The following CD4 variants were observed in gnomAD, a reference collection of about 807,000 sequenced individuals.
CD4 encodes CD4 molecule.
In CD4, 25 loss-of-function variants were observed where a neutral mutation model predicts 50.5. That is an observed-to-expected ratio of 0.49 (90% CI 0.36 to 0.69). The LOEUF is 0.69. CD4 is among the 30% of genes least tolerant of loss of function. The pLI, the probability that CD4 is intolerant of heterozygous loss-of-function variation, is 0.00. For synonymous variants in CD4, 207 were observed against 221.9 expected, an observed-to-expected ratio of 0.93 and a Z score of 0.60; for missense variants, 456 against 548.5, an observed-to-expected ratio of 0.83 and a Z score of 1.68.
intron 1 of CD4, among the ~76,000 whole-genome samples, chr12:6,794,868 C>A (rs907602295): frequency 6.8e-6 from 1 of 147,566 alleles, no homozygotes; most frequent in Non-Finnish European, 1.5e-5. Flanking sequence ...CACTGCTGAA[C>A]CTCCGCCTCC....
chr12:6,801,210 A>G (rs915943481), intron 3 of CD4, among the ~76,000 whole-genome samples: 12 of 151,700 alleles, frequency 7.9e-5, no homozygotes, highest in African/African-American at 1.9e-4. Flanking sequence ...CTAGCCAAAA[A>G]AAATTTTTTT....
intron 1 of CD4, among the ~76,000 whole-genome samples, chr12:6,796,433 C>T (rs1033973624): frequency 6.6e-6 from 1 of 152,220 alleles, no homozygotes; most frequent in Non-Finnish European, 1.5e-5. Context: ...GGGCCAGGTC[C>T]ATGGTGACAC....
intron 1 of CD4, among the ~76,000 whole-genome samples, chr12:6,798,657 T>G (rs899580334): frequency 2.0e-5 from 3 of 152,232 alleles, no homozygotes; most frequent in Non-Finnish European, 4.4e-5. Context: ...AGTAACAATC[T>G]GATCTCTCTT....
At chr12:6,803,289 T>A (rs1366394762) in intron 3 of CD4, among the ~76,000 whole-genome samples, 1 of 152,156 alleles carries the variant, frequency 6.6e-6, no homozygotes, top group African/African-American at 2.4e-5. Context: ...CAGCTGGGAT[T>A]ACAGGTGTGC....
chr12:6,814,452 C>G (rs1943032681), intron 4 of CD4, 152 bp downstream of exon 4: 2 of 786,938 alleles, frequency 2.5e-6, no homozygotes, highest in Non-Finnish European at 4.0e-6. Context: ...TCTTAAAACC[C>G]TTCTTGATCA....
At chr12:6,812,294 A>C (rs1179084228) in intron 3 of CD4, among the ~76,000 whole-genome samples, 2 of 152,104 alleles carry the variant, frequency 1.3e-5, no homozygotes, top group Non-Finnish European at 1.5e-5. Context: ...AGCTACTCCG[A>C]AGGCTGAGGC....
At chr12:6,813,660 C>T (rs1943003433) in intron 3 of CD4, 1 of 153,214 alleles carries the variant, frequency 6.5e-6, no homozygotes. Context: ...TTTGTATATA[C>T]ATTTGTAATT....
At chr12:6,810,353 A>G (rs1198018017) in intron 3 of CD4, among the ~76,000 whole-genome samples, 1 of 152,254 alleles carries the variant, frequency 6.6e-6, no homozygotes, top group African/African-American at 2.4e-5. Context: ...AAGAGAAGCA[A>G]GGAGGCAGAG....
chr12:6,803,600 C>T (rs1168543558), intron 3 of CD4, among the ~76,000 whole-genome samples: 1 of 149,446 alleles, frequency 6.7e-6, no homozygotes, highest in Non-Finnish European at 1.5e-5. Context: ...CTGGCTAACA[C>T]GGTGAAACCC....
At chr12:6,814,507 A>T in intron 4 of CD4, 1 of 639,002 alleles carries the variant, frequency 1.6e-6, no homozygotes, top group Middle Eastern at 3.6e-4. Context: ...GCCTTGGGAA[A>T]AGGAAAGAAA....
At chr12:6,799,537 G>A (rs1214007862) in intron 1 of CD4, 2 of 153,456 alleles carry the variant, frequency 1.3e-5, no homozygotes, top group East Asian at 1.9e-4. Flanking sequence ...TTTTTTTGCA[G>A]TGGTGCAATC....
At chr12:6,808,450 CAAAAAAAAAAAAAAAAAA>C (rs3032789) in intron 3 of CD4, among the ~76,000 whole-genome samples, 15,259 of 39,134 alleles carry the variant, frequency 0.39, 2,190 homozygotes, top group Middle Eastern at 0.53. Flanking sequence ...GATTCTGTCT[CAAAAAAAAAAAAAAAAAA>C]AAAAAAAAAA....
At chr12:6,794,786 G>GTTTTTTTTTTTTT in intron 1 of CD4, among the ~76,000 whole-genome samples, 1 of 105,370 alleles carries the variant, frequency 9.5e-6, no homozygotes, top group Non-Finnish European at 1.9e-5. Context: ...TTTTTTTTTT[G>GTTTTTTTTTTTTT]TTTTTTTTTT....
chr12:6,803,744 C>T (rs1224118474), intron 3 of CD4, among the ~76,000 whole-genome samples: 1 of 150,960 alleles, frequency 6.6e-6, no homozygotes, highest in Non-Finnish European at 1.5e-5. Flanking sequence ...GAGACCGTGC[C>T]ATTGCACTCC....
intron 3 of CD4, among the ~76,000 whole-genome samples, chr12:6,806,676 C>T (rs1942770746): frequency 6.6e-6 from 1 of 152,100 alleles, no homozygotes; most frequent in Non-Finnish European, 1.5e-5. Context: ...AAAAGTTGTT[C>T]AACATCATTA....
Position 6,800,913 on chromosome 12 carries a change from TA to T in CD4, c.214+443del, listed in dbSNP as rs200583866. 5.3e-3 allele frequency among the ~76,000 whole-genome samples: 785 copies of T among 147,692 alleles called. 3 individuals are homozygous for T. The highest frequency in any genetic ancestry group is 8.7e-3 in the Non-Finnish European group (590 of 67,856). Reference sequence around the variant, plus strand: ...GTCTCTATGAAAAAAAATATATATATATTTTTTTTGGAGACAAGGTCTAGTT... The same window carrying T: ...GTCTCTATGAAAAAAAATATATATATTTTTTTTTGGAGACAAGGTCTAGTT... On this transcript the variant is annotated intron_variant, in intron 3 of 9. Coordinates refer to ENST00000011653, the MANE Select transcript of CD4 (RefSeq NM_000616.5).
chr12:6,798,473 A>AGAGTCTTGCTCTGTCGCCCAGGCT (rs1555114682), intron 1 of CD4, among the ~76,000 whole-genome samples: 6 of 128,704 alleles, frequency 4.7e-5, no homozygotes, highest in Admixed American at 1.5e-4. Context: ...ACTTTTTAAA[A>AGAGTCTTGCTCTGTCGCCCAGGCT]GTGCATCTTG....
chr12:6,796,734 A>T (rs1461768329), intron 1 of CD4, among the ~76,000 whole-genome samples: 1 of 152,122 alleles, frequency 6.6e-6, no homozygotes, highest in African/African-American at 2.4e-5. Flanking sequence ...GCCTGCACAA[A>T]TTAGCTGGGT....
chr12:6,808,503 T>A (rs11838307), intron 3 of CD4, among the ~76,000 whole-genome samples: 4,773 of 150,184 alleles, frequency 0.032, 216 homozygotes, highest in African/African-American at 0.096. Context: ...CCTTTTTTTT[T>A]AAATTTTTCT....
Sources: allele counts gnomAD v4.1 joint callset (sites outside exome capture counted in the v4.1 genomes callset), GRCh38; gene constraint gnomAD v4.1.1; transcripts MANE v1.5; gene names NCBI Gene and HGNC (gene_info 2026-07-23, HGNC 2026-07-21).